CYTH1: variants seen among roughly 807,000 people sequenced by gnomAD.
CYTH1 encodes cytohesin-1.
CYTH1 carries 18 observed loss-of-function variants against 61.8 expected under a neutral mutation model. The observed-to-expected ratio is 0.29, with a 90% CI of 0.20 to 0.43. The LOEUF (loss-of-function observed/expected upper bound fraction) is 0.43, where lower values mean the gene tolerates loss of function less well. CYTH1 is among the 20% of genes least tolerant of loss of function. CYTH1 has a pLI of 1.00. For synonymous variants in CYTH1, 174 were observed against 184.3 expected, an observed-to-expected ratio of 0.94 and a Z score of 0.45; for missense variants, 336 against 510.5, an observed-to-expected ratio of 0.66 and a Z score of 3.29.
chr17:78,766,344 C>T (rs1295766858), intron 1 of CYTH1, among the ~76,000 whole-genome samples: 4 of 152,166 alleles, frequency 2.6e-5, no homozygotes, highest in East Asian at 3.8e-4. Context: ...CAGTAAGATT[C>T]GTTAACCTTT....
intron 1 of CYTH1, among the ~76,000 whole-genome samples, chr17:78,729,851 T>C (rs971283421): frequency 1.3e-5 from 2 of 152,130 alleles, no homozygotes; most frequent in African/African-American, 4.8e-5. Flanking sequence ...AAGGACACAC[T>C]TGAAACTGCT....
chr17:78,697,947 G>A (rs2092958557), intron 9 of CYTH1, among the ~76,000 whole-genome samples: 1 of 152,230 alleles, frequency 6.6e-6, no homozygotes, highest in Non-Finnish European at 1.5e-5. Flanking sequence ...TTATGGTGGA[G>A]TAAGTCTGTC....
intron 1 of CYTH1, among the ~76,000 whole-genome samples, chr17:78,720,094 G>T (rs2093215209): frequency 6.6e-6 from 1 of 152,172 alleles, no homozygotes; most frequent in Admixed American, 6.5e-5. Context: ...AGGGGCTGGG[G>T]AGAGGGGGAG....
intron 2 of CYTH1, 69 bp from the exon 3 acceptor site, chr17:78,708,330 C>G (rs929989195): frequency 6.4e-6 from 9 of 1,400,872 alleles, no homozygotes; most frequent in Non-Finnish European, 8.8e-6. Context: ...TCTAAAATCT[C>G]ACATAACTCC....
chr17:78,748,577 G>A (rs187624420), intron 1 of CYTH1, among the ~76,000 whole-genome samples: 2 of 152,306 alleles, frequency 1.3e-5, no homozygotes, highest in Admixed American at 1.3e-4. Flanking sequence ...GAAGAAGGGG[G>A]TAAGGGAGAT....
At chr17:78,760,313 A>T (rs1420399790) in intron 1 of CYTH1, among the ~76,000 whole-genome samples, 1 of 140,136 alleles carries the variant, frequency 7.1e-6, no homozygotes, top group Non-Finnish European at 1.5e-5. Flanking sequence ...CCCTCTTTTG[A>T]CTACTGATGT....
At chr17:78,676,675 G>A in intron 13 of CYTH1, 1 of 301,178 alleles carries the variant, frequency 3.3e-6, no homozygotes, top group Non-Finnish European at 6.5e-6. Context: ...TCTGCAGGCG[G>A]CACTGCCCAG....
intron 3 of CYTH1, 35 bp downstream of exon 3, chr17:78,708,162 A>G (rs199751281): frequency 1.2e-6 from 2 of 1,612,312 alleles, no homozygotes; most frequent in Non-Finnish European, 1.7e-6. Flanking sequence ...AGGAATTACA[A>G]CCACAGAAGC....
intron 1 of CYTH1, among the ~76,000 whole-genome samples, chr17:78,773,212 G>A (rs906362045): frequency 6.6e-6 from 1 of 152,154 alleles, no homozygotes; most frequent in Admixed American, 6.5e-5. Context: ...GCTCATGCCT[G>A]TAATCCTAGT....
intron 1 of CYTH1, among the ~76,000 whole-genome samples, chr17:78,757,955 A>G (rs1020514151): frequency 1.3e-5 from 2 of 152,134 alleles, no homozygotes; most frequent in African/African-American, 4.8e-5. Flanking sequence ...TAGTAATTCA[A>G]TGTCAGGAAG....
At chr17:78,775,084 G>GCAGT in intron 1 of CYTH1, among the ~76,000 whole-genome samples, 1 of 152,250 alleles carries the variant, frequency 6.6e-6, no homozygotes, top group East Asian at 1.9e-4. Flanking sequence ...ACCCACCCCT[G>GCAGT]CAGTCACCCC....
intron 1 of CYTH1, among the ~76,000 whole-genome samples, chr17:78,779,231 T>C (rs909971854): frequency 6.6e-6 from 1 of 151,664 alleles, no homozygotes; most frequent in African/African-American, 2.4e-5. Flanking sequence ...AGAAACCCTG[T>C]CTCTACTAAA....
Position 78,772,442 on chromosome 17 carries a change from T to C in CYTH1, c.22+9760A>G, listed in dbSNP as rs548288531. 2.6e-5 allele frequency among the ~76,000 whole-genome samples: 4 copies of C among 152,350 alleles called. No homozygotes were observed. In the South Asian group the frequency reaches 8.3e-4, roughly 32 times the overall value. On this transcript the variant is annotated intron_variant, in intron 1 of 13. Coordinates refer to ENST00000446868, the MANE Select transcript of CYTH1 (RefSeq NM_004762.6). ...CAAGAAATACTGAAGAAAAAATCTG[T>C]TTGACATAATCTCTTTTGATTAACA...
intron 1 of CYTH1, chr17:78,736,625 C>G (rs2093321258): frequency 2.7e-5 from 7 of 262,450 alleles, no homozygotes; most frequent in South Asian, 2.0e-4. Context: ...AAAAGAGATA[C>G]CTAAAACTCC....
chr17:78,734,021 G>A (rs991084763), intron 1 of CYTH1, among the ~76,000 whole-genome samples: 9 of 152,288 alleles, frequency 5.9e-5, no homozygotes, highest in Admixed American at 2.0e-4. Context: ...AGGCCAAGGT[G>A]GGTGGATCAC....
At position 78,717,079 on chromosome 17, in the gene CYTH1, T is replaced by C. The variant is rs2093187180; in HGVS notation, c.23-7347A>G. The C allele has an allele frequency of 1.3e-5, 2 of 152,400 alleles. No individual in the cohort carries two copies. The highest frequency in any genetic ancestry group is 1.5e-5 in the Non-Finnish European group (1 of 68,258). The allele number at this position is 152,400 out of a possible 1,614,324, so 9.4% of individuals were successfully genotyped here. ...GGCAGCACAACAAACAGCTCCTCCC[T>C]CCCCCACTGCCACGTGCTGCAGCCA... On this transcript the variant is annotated intron_variant, in intron 1 of 13. Coordinates refer to ENST00000446868, the MANE Select transcript of CYTH1 (RefSeq NM_004762.6). This position sits in a 1 kb window ranked among gnomAD's most constrained non-coding sequence, Gnocchi z 4.4.
intron 7 of CYTH1, among the ~76,000 whole-genome samples, chr17:78,699,828 A>T (rs1321610390): frequency 1.3e-5 from 2 of 152,200 alleles, no homozygotes; most frequent in Non-Finnish European, 2.9e-5. Context: ...TCTGTCACCC[A>T]GGCTTGGAGT....
chr17:78,704,450 A>T (rs983528105), intron 3 of CYTH1, among the ~76,000 whole-genome samples: 1 of 152,228 alleles, frequency 6.6e-6, no homozygotes, highest in Non-Finnish European at 1.5e-5. Flanking sequence ...CTTAAAGAAC[A>T]CATGTGTTCT....
intron 10 of CYTH1, among the ~76,000 whole-genome samples, chr17:78,692,994 T>C (rs1360704448): frequency 2.0e-5 from 3 of 152,168 alleles, no homozygotes; most frequent in Admixed American, 1.3e-4. Flanking sequence ...ACACTTTCCC[T>C]GGAACACGAA....
Sources: gnomAD v4.1 joint callset for allele counts (sites outside exome capture counted in the v4.1 genomes callset) on GRCh38, gnomAD v4.1.1 for gene constraint, Gnocchi (gnomAD v3.1) non-coding constraint, MANE v1.5 for transcripts, NCBI Gene and HGNC (gene_info 2026-07-23, HGNC 2026-07-21) for gene names.